The following ZEB1 variants were observed in gnomAD, a reference collection of about 807,000 sequenced individuals.
The protein encoded by ZEB1 is zinc finger E-box binding homeobox 1.
A neutral mutation model predicts 84.9 loss-of-function variants in ZEB1; 21 were observed. The ratio of observed to expected loss-of-function variants is 0.25; its 90% CI spans 0.18 to 0.36. The LOEUF (loss-of-function observed/expected upper bound fraction) is 0.36, where lower values mean the gene tolerates loss of function less well. ZEB1 is among the 10% of genes least tolerant of loss of function. The pLI is 1.00. For synonymous variants in ZEB1, 420 were observed against 471.1 expected (o/e 0.89, Z 1.41); for missense variants, 1,104 against 1,330.2 (o/e 0.83, Z 2.65).
chr10:31,473,953 A>G (rs1035209675), intron 2 of ZEB1, among the ~76,000 whole-genome samples: 6 of 152,082 alleles, frequency 3.9e-5, no homozygotes, highest in Admixed American at 3.3e-4. Context: ...AAAACAAGCA[A>G]TGGGGAAAGG....
chr10:31,507,523 G>GT (rs1305305319), intron 4 of ZEB1, among the ~76,000 whole-genome samples: 1 of 151,718 alleles, frequency 6.6e-6, no homozygotes, highest in Admixed American at 6.6e-5. Flanking sequence ...TTTGTTCATT[G>GT]TTCTTTTATT....
At chr10:31,333,371 G>A (rs898962083) in intron 1 of ZEB1, among the ~76,000 whole-genome samples, 5 of 152,076 alleles carry the variant, frequency 3.3e-5, no homozygotes, top group African/African-American at 7.2e-5. Context: ...CACAGATAAG[G>A]AAAATAGTTG....
intron 1 of ZEB1, among the ~76,000 whole-genome samples, chr10:31,458,920 T>G (rs1490593027): frequency 1.3e-5 from 2 of 152,108 alleles, no homozygotes; most frequent in Non-Finnish European, 2.9e-5. Context: ...TATGATGGTG[T>G]TATGTCCTGA....
intron 2 of ZEB1, among the ~76,000 whole-genome samples, chr10:31,472,482 C>A (rs1402829847): frequency 6.6e-6 from 1 of 151,756 alleles, no homozygotes; most frequent in Non-Finnish European, 1.5e-5. Context: ...TTCCTCGACA[C>A]ATACACTCTC....
intron 1 of ZEB1, among the ~76,000 whole-genome samples, chr10:31,388,506 G>C (rs984105172): frequency 6.6e-6 from 1 of 152,088 alleles, no homozygotes; most frequent in African/African-American, 2.4e-5. Flanking sequence ...TGTGTTTGCT[G>C]TTAGAATGAG....
chr10:31,439,465 T>G (rs982331646), intron 1 of ZEB1, among the ~76,000 whole-genome samples: 2 of 152,126 alleles, frequency 1.3e-5, no homozygotes, highest in African/African-American at 4.8e-5. Flanking sequence ...ACTGGGACTT[T>G]TTTGCCGATT....
intron 1 of ZEB1, among the ~76,000 whole-genome samples, chr10:31,396,308 C>T (rs774074249): frequency 1.3e-5 from 2 of 151,992 alleles, no homozygotes; most frequent in Non-Finnish European, 2.9e-5. Context: ...ACGATGGTGG[C>T]GATACTCAGA....
chr10:31,517,856 T>A (rs1424701760), intron 6 of ZEB1, among the ~76,000 whole-genome samples: 1 of 152,130 alleles, frequency 6.6e-6, no homozygotes, highest in Admixed American at 6.6e-5. Context: ...AGGATAACCC[T>A]ATGGAGTAGG....
intron 1 of ZEB1, among the ~76,000 whole-genome samples, chr10:31,379,362 T>C (rs1165750941): frequency 6.6e-6 from 1 of 151,962 alleles, no homozygotes; most frequent in Non-Finnish European, 1.5e-5. Flanking sequence ...TTTTCTGATA[T>C]TCTCTTTCCT....
In ZEB1 at chr10:31,527,581, G is replaced by T; in HGVS notation, c.*317G>T. The T allele has an allele frequency of 3.1e-6, 1 of 318,234 alleles. No homozygotes were observed. The highest frequency in any genetic ancestry group is 5.8e-6 in the Non-Finnish European group (1 of 171,696). The allele number at this position is 318,234 out of a possible 1,614,324, so 19.7% of individuals were successfully genotyped here. A position where few individuals can be genotyped will look rare whatever the true frequency, so the allele number is the denominator to read the frequency against. On this transcript the variant is annotated 3_prime_UTR_variant, in exon 9 of 9. Coordinates refer to ENST00000424869, the MANE Select transcript of ZEB1 (RefSeq NM_001174096.2). The stretch of plus-strand genomic sequence containing the variant: ...TGACTCAGAGAGCAACAATACAAGA[G>T]GTTAAAGGAAGCTGATTAATTAGAT...
chr10:31,442,766 T>G (rs189265773), intron 1 of ZEB1, among the ~76,000 whole-genome samples: 1 of 152,242 alleles, frequency 6.6e-6, no homozygotes, highest in East Asian at 1.9e-4. Flanking sequence ...AGAGATTGTT[T>G]TGAAAAGGAG....
At chr10:31,346,895 G>T (rs984155662) in intron 1 of ZEB1, among the ~76,000 whole-genome samples, 5 of 152,110 alleles carry the variant, frequency 3.3e-5, no homozygotes, top group African/African-American at 4.8e-5. Context: ...GATAAGACAA[G>T]ATTTACAGAT....
At chr10:31,432,667 A>C (rs2057860093) in intron 1 of ZEB1, among the ~76,000 whole-genome samples, 1 of 152,166 alleles carries the variant, frequency 6.6e-6, no homozygotes, top group Non-Finnish European at 1.5e-5. Context: ...TTCTCAAAAG[A>C]TGCTTGTCTC....
upstream of ZEB1, chr10:31,319,157 T>C (rs1411892157): frequency 2.6e-3 from 1,012 of 389,256 alleles, 1 homozygote; most frequent in Non-Finnish European, 3.3e-3. Context: ...GGGGGAGGGG[T>C]GGAGGCGGAG....
At chr10:31,468,400 G>A (rs759566252) in intron 2 of ZEB1, among the ~76,000 whole-genome samples, 10 of 152,126 alleles carry the variant, frequency 6.6e-5, no homozygotes, top group East Asian at 1.9e-4. Flanking sequence ...ATGTCCTGTC[G>A]CAGCAACTGT....
chr10:31,469,723 G>A (rs1009515861), intron 2 of ZEB1, among the ~76,000 whole-genome samples: 1 of 152,224 alleles, frequency 6.6e-6, no homozygotes, highest in Non-Finnish European at 1.5e-5. Context: ...AGCTCAAGGA[G>A]GCCTGCCTGC....
intron 1 of ZEB1, among the ~76,000 whole-genome samples, chr10:31,364,332 GC>G (rs964894154): frequency 2.7e-4 from 41 of 152,176 alleles, no homozygotes; most frequent in African/African-American, 9.9e-4. Context: ...CCCTGGATGG[GC>G]CCCCCTGTGG....
At chr10:31,421,383 T>A (rs1479963981) in intron 1 of ZEB1, among the ~76,000 whole-genome samples, 1 of 152,154 alleles carries the variant, frequency 6.6e-6, no homozygotes, top group Non-Finnish European at 1.5e-5. Flanking sequence ...CAAGTTATAT[T>A]GATAAAACAA....
At chr10:31,364,249 G>C (rs558584542) in intron 1 of ZEB1, among the ~76,000 whole-genome samples, 13 of 152,304 alleles carry the variant, frequency 8.5e-5, no homozygotes, top group African/African-American at 3.1e-4. Context: ...AAAGGGCAAA[G>C]GGTGAGACCC....
Sources: allele counts gnomAD v4.1 joint callset (sites outside exome capture counted in the v4.1 genomes callset), GRCh38; gene constraint gnomAD v4.1.1; transcripts MANE v1.5; gene names NCBI Gene and HGNC (gene_info 2026-07-23, HGNC 2026-07-21).